Variants in LHFPL2 observed in about 807,000 individuals in gnomAD.
The protein encoded by LHFPL2 is LHFPL tetraspan subfamily member 2, also known as LHFPL tetraspan subfamily member 2 protein.
LHFPL2 carries 7 observed loss-of-function variants against 17.5 expected under a neutral mutation model. That is an observed-to-expected ratio of 0.40 (90% confidence interval 0.23 to 0.75). LHFPL2 has a LOEUF of 0.75. Ranked by LOEUF, LHFPL2 falls within the 30% of genes least tolerant of loss-of-function variation. The pLI is 0.37. For missense variants in LHFPL2, 241 were observed against 294.8 expected, an observed-to-expected ratio of 0.82 and a Z score of 1.34; for synonymous variants, 134 against 116.2, an observed-to-expected ratio of 1.15 and a Z score of -0.99.
chr5:78,564,528 A>G (rs535237553), intron 3 of LHFPL2, among the ~76,000 whole-genome samples: 24 of 152,322 alleles, frequency 1.6e-4, no homozygotes, highest in Non-Finnish European at 3.1e-4. Flanking sequence ...CCTATTATAA[A>G]GAGCTCTGAA....
At chr5:78,636,337 T>C (rs1360353667) in intron 1 of LHFPL2, among the ~76,000 whole-genome samples, 2 of 152,254 alleles carry the variant, frequency 1.3e-5, no homozygotes, top group East Asian at 3.8e-4. Context: ...ATTTCTCTAA[T>C]GGTAGAATTG....
intron 2 of LHFPL2, among the ~76,000 whole-genome samples, chr5:78,621,443 C>T (rs1464387036): frequency 1.3e-5 from 2 of 150,472 alleles, no homozygotes; most frequent in Non-Finnish European, 1.5e-5. Flanking sequence ...TACTTTCTTC[C>T]TTGCAGTAAT....
intron 2 of LHFPL2, among the ~76,000 whole-genome samples, chr5:78,599,895 T>C (rs1338186786): frequency 6.6e-6 from 1 of 152,136 alleles, no homozygotes; most frequent in East Asian, 1.9e-4. Flanking sequence ...CTTTACATAG[T>C]ACCTGAAAAG....
intron 2 of LHFPL2, among the ~76,000 whole-genome samples, chr5:78,568,394 G>A (rs1320868315): frequency 6.6e-6 from 1 of 152,156 alleles, no homozygotes; most frequent in Non-Finnish European, 1.5e-5. Flanking sequence ...GATGTCAGGA[G>A]AAACAATAGC....
intron 3 of LHFPL2, among the ~76,000 whole-genome samples, chr5:78,540,988 T>C: frequency 6.6e-6 from 1 of 152,178 alleles, no homozygotes; most frequent in East Asian, 1.9e-4. Context: ...AAAGGAATTA[T>C]GGAAGCGTTT....
chr5:78,556,391 G>A (rs1756572826), intron 3 of LHFPL2, among the ~76,000 whole-genome samples: 1 of 152,178 alleles, frequency 6.6e-6, no homozygotes. Context: ...AACATTAGAT[G>A]TGGTCAATAA....
chr5:78,614,546 C>T (rs1395470312), intron 2 of LHFPL2, among the ~76,000 whole-genome samples: 1 of 152,202 alleles, frequency 6.6e-6, no homozygotes, highest in East Asian at 1.9e-4. Context: ...GTTTCTATTA[C>T]TACATGCCAG....
At chr5:78,529,517 C>T (rs768224034) in intron 3 of LHFPL2, among the ~76,000 whole-genome samples, 5 of 152,100 alleles carry the variant, frequency 3.3e-5, no homozygotes, top group Non-Finnish European at 5.9e-5. Context: ...GGGGTTGGTG[C>T]AGGATGGAGC....
intron 2 of LHFPL2, among the ~76,000 whole-genome samples, chr5:78,573,660 T>C (rs1370895196): frequency 2.0e-5 from 3 of 152,338 alleles, no homozygotes; most frequent in Non-Finnish European, 4.4e-5. Flanking sequence ...TTTCATCTTT[T>C]TTCCCCCCAT....
chr5:78,543,939 A>G (rs146509967), intron 3 of LHFPL2, among the ~76,000 whole-genome samples: 1 of 152,344 alleles, frequency 6.6e-6, no homozygotes, highest in East Asian at 1.9e-4. Flanking sequence ...AGGTGGAGAT[A>G]GCAGAGACTC....
Position 78,490,746 on chromosome 5 carries a change from CAAAAAA to C in LHFPL2, c.431-1599_431-1594del, listed in dbSNP as rs370809060. Among the ~76,000 whole-genome samples, 147 of 92,126 alleles carry C rather than the reference CAAAAAA, an allele frequency of 1.6e-3. 3 individuals are homozygous for C. The highest frequency in any genetic ancestry group is 6.0e-3 in the Middle Eastern group (1 of 166). 60.4% of individuals were successfully genotyped at this position (92,126 alleles called of 152,430 possible). On this transcript the variant is annotated intron_variant, in intron 4 of 4. Transcript: ENST00000380345. ...CTGGCAAAAGAGTGAGACTCCCTCTCAAAAAAAAAAAAAAAAAAGCAAGATACTGCA... is the reference window on the plus strand; with the variant it reads ...CTGGCAAAAGAGTGAGACTCCCTCTCAAAAAAAAAAAAGCAAGATACTGCA...
intron 1 of LHFPL2, among the ~76,000 whole-genome samples, chr5:78,634,491 G>A (rs1241847044): frequency 6.6e-6 from 1 of 152,210 alleles, no homozygotes; most frequent in East Asian, 1.9e-4. Flanking sequence ...CTGCCCCTGT[G>A]CCTATGGTCC....
rs565210901 is a variant in LHFPL2, at chr5:78,646,275, G to A, written c.-350+2224C>T. Reference sequence around the variant, plus strand: ...AGTGTTTTTGAGTGTAGGCTGGCAGGGCATGGGTCCAGACTCAACTCAGAG... The same window carrying A: ...AGTGTTTTTGAGTGTAGGCTGGCAGAGCATGGGTCCAGACTCAACTCAGAG... On this transcript the variant is annotated intron_variant, in intron 1 of 4. Coordinates refer to ENST00000380345, the MANE Select transcript of LHFPL2 (RefSeq NM_005779.3). Among the ~76,000 whole-genome samples the A allele has an allele frequency of 6.8e-4, 103 of 152,208 alleles. 2 individuals carry two copies. The South Asian group carries it at 0.021, about 31-fold the overall frequency.
intron 2 of LHFPL2, chr5:78,590,213 C>CAACAACAACAAT (rs906231109): frequency 2.6e-5 from 4 of 151,592 alleles, no homozygotes; most frequent in African/African-American, 9.7e-5. Flanking sequence ...ACAACAACAA[C>CAACAACAACAAT]AACAACAACA....
intron 1 of LHFPL2, among the ~76,000 whole-genome samples, chr5:78,641,216 GTTC>G (rs1451570539): frequency 2.0e-5 from 3 of 152,318 alleles, no homozygotes; most frequent in Middle Eastern, 3.4e-3. Flanking sequence ...CAAGGGAAAT[GTTC>G]TTAGTCCCAC....
At chr5:78,494,075 AGGCCACCCTCTCT>A (rs1309353647) in intron 4 of LHFPL2, among the ~76,000 whole-genome samples, 1 of 152,136 alleles carries the variant, frequency 6.6e-6, no homozygotes, top group Non-Finnish European at 1.5e-5. Flanking sequence ...TCCTGAAGTG[AGGCCACCCTCTCT>A]GGTAGTCTCT....
intron 2 of LHFPL2, among the ~76,000 whole-genome samples, chr5:78,621,611 C>T (rs563360617): frequency 2.8e-4 from 43 of 152,252 alleles, no homozygotes; most frequent in African/African-American, 9.9e-4. Flanking sequence ...GGGTCTCTTC[C>T]ACCACAAATT....
intron 2 of LHFPL2, among the ~76,000 whole-genome samples, chr5:78,628,420 T>C (rs566263924): frequency 1.3e-5 from 2 of 152,310 alleles, no homozygotes; most frequent in African/African-American, 4.8e-5. Flanking sequence ...AGAGAGAATG[T>C]CTCCTTCCCC....
At chr5:78,560,089 T>C (rs1224458060) in intron 3 of LHFPL2, among the ~76,000 whole-genome samples, 1 of 152,190 alleles carries the variant, frequency 6.6e-6, no homozygotes, top group Admixed American at 6.5e-5. Context: ...CCAGTGTCGA[T>C]TGGCACCAAC....
Sources: gnomAD v4.1 joint callset for allele counts (sites outside exome capture counted in the v4.1 genomes callset) on GRCh38, gnomAD v4.1.1 for gene constraint, MANE v1.5 for transcripts, NCBI Gene and HGNC (gene_info 2026-07-23, HGNC 2026-07-21) for gene names.